Variants in NKAIN2 observed in about 807,000 individuals in gnomAD.
NKAIN2 encodes sodium/potassium-transporting ATPase subunit beta-1-interacting protein 2.
Under a neutral mutation model 32.6 loss-of-function variants are expected in NKAIN2, and 14 were observed. The observed-to-expected ratio is 0.43, with a 90% CI of 0.28 to 0.67. The LOEUF is 0.67. NKAIN2 is among the 30% of genes least tolerant of loss of function. The probability of loss-of-function intolerance (pLI) is 0.17; values close to 1 mark genes in which losing one functional copy is unlikely to be tolerated. For synonymous variants in NKAIN2, 80 were observed against 87.2 expected (o/e 0.92, Z 0.46); for missense variants, 198 against 258.3 (o/e 0.77, Z 1.60).
At chr6:124,284,012 C>G (rs1795434224) in intron 2 of NKAIN2, among the ~76,000 whole-genome samples, 1 of 151,584 alleles carries the variant, frequency 6.6e-6, no homozygotes, top group Non-Finnish European at 1.5e-5. Context: ...TAAAGATGCC[C>G]CCCCATGACC....
intron 1 of NKAIN2, among the ~76,000 whole-genome samples, chr6:123,900,346 G>A (rs1432969891): frequency 6.6e-6 from 1 of 151,730 alleles, no homozygotes; most frequent in African/African-American, 2.4e-5. Flanking sequence ...GGTGGCACGT[G>A]CCTGTAGTCC....
At chr6:124,757,777 A>C (rs1360383195) in intron 4 of NKAIN2, among the ~76,000 whole-genome samples, 2 of 152,176 alleles carry the variant, frequency 1.3e-5, no homozygotes, top group Non-Finnish European at 2.9e-5. Context: ...TTATCTTTGA[A>C]ATATAAAATA....
chr6:124,035,138 T>A (rs1159498008), intron 1 of NKAIN2, among the ~76,000 whole-genome samples: 2 of 152,064 alleles, frequency 1.3e-5, no homozygotes, highest in Non-Finnish European at 2.9e-5. Context: ...AAATTGAGCA[T>A]CCCCTTCAAG....
chr6:124,715,873 A>G (rs182539881), intron 4 of NKAIN2, among the ~76,000 whole-genome samples: 3 of 152,312 alleles, frequency 2.0e-5, no homozygotes, highest in African/African-American at 7.2e-5. Flanking sequence ...GGCTAGAGTT[A>G]AGGAAATGTG....
chr6:124,220,985 A>G (rs1791783549), intron 1 of NKAIN2, among the ~76,000 whole-genome samples: 1 of 152,138 alleles, frequency 6.6e-6, no homozygotes, highest in South Asian at 2.1e-4. Context: ...ATTTTTTTCA[A>G]GAAATTATAA....
intron 5 of NKAIN2, among the ~76,000 whole-genome samples, chr6:124,797,571 ACAAT>A (rs149240598): frequency 0.026 from 3,911 of 152,326 alleles, 86 homozygotes; most frequent in Non-Finnish European, 0.042. Context: ...GATAAAAGTC[ACAAT>A]CAATTTATTG....
intron 1 of NKAIN2, among the ~76,000 whole-genome samples, chr6:124,008,435 A>G (rs529089483): frequency 1.3e-5 from 2 of 152,250 alleles, no homozygotes; most frequent in Admixed American, 6.5e-5. Flanking sequence ...CATGAGTTCC[A>G]TAAGTATGTG....
At chr6:124,397,040 G>A (rs1048396562) in intron 3 of NKAIN2, among the ~76,000 whole-genome samples, 3 of 152,092 alleles carry the variant, frequency 2.0e-5, no homozygotes, top group Non-Finnish European at 4.4e-5. Context: ...TTTATTAACA[G>A]TAGTGGTTGA....
chr6:124,186,992 CTG>C (rs1789778608), intron 1 of NKAIN2, among the ~76,000 whole-genome samples: 1 of 152,008 alleles, frequency 6.6e-6, no homozygotes, highest in Non-Finnish European at 1.5e-5. Context: ...TTTACTTAAA[CTG>C]AACTCTATAT....
chr6:124,644,918 T>C (rs546851377), intron 3 of NKAIN2, among the ~76,000 whole-genome samples: 1 of 152,338 alleles, frequency 6.6e-6, no homozygotes, highest in South Asian at 2.1e-4. Flanking sequence ...ATTTATATTT[T>C]GTAGTTAAAA....
intron 5 of NKAIN2, among the ~76,000 whole-genome samples, chr6:124,801,503 CT>C (rs1780253978): frequency 6.6e-6 from 1 of 152,174 alleles, no homozygotes; most frequent in Non-Finnish European, 1.5e-5. Context: ...TCGAAGTATA[CT>C]TTCCATGTCA....
intron 3 of NKAIN2, among the ~76,000 whole-genome samples, chr6:124,416,159 C>T (rs1260153534): frequency 2.0e-5 from 3 of 152,116 alleles, no homozygotes; most frequent in Non-Finnish European, 4.4e-5. Flanking sequence ...GAAGAGGTGA[C>T]CACCTGTATT....
At chr6:124,619,989 C>T (rs1187069779) in intron 3 of NKAIN2, among the ~76,000 whole-genome samples, 4 of 152,076 alleles carry the variant, frequency 2.6e-5, no homozygotes, top group Admixed American at 1.3e-4. Context: ...TGCCTGGTAC[C>T]TATCAGGTAC....
intron 1 of NKAIN2, among the ~76,000 whole-genome samples, chr6:124,116,259 G>A (rs1251505728): frequency 2.0e-5 from 3 of 152,114 alleles, no homozygotes; most frequent in Admixed American, 2.0e-4. Flanking sequence ...GGTTCCTTCA[G>A]CAGTTTGCTC....
intron 1 of NKAIN2, among the ~76,000 whole-genome samples, chr6:123,956,374 G>T (rs949232512): frequency 6.6e-6 from 1 of 152,092 alleles, no homozygotes; most frequent in Admixed American, 6.5e-5. Context: ...AGGTCATAAG[G>T]GTGGGACCCT....
intron 4 of NKAIN2, among the ~76,000 whole-genome samples, chr6:124,732,393 G>C (rs1776726574): frequency 6.6e-6 from 1 of 152,034 alleles, no homozygotes; most frequent in African/African-American, 2.4e-5. Flanking sequence ...CTAAGGCTAA[G>C]AGGCAAATAA....
intron 2 of NKAIN2, among the ~76,000 whole-genome samples, chr6:124,317,333 T>C (rs1466372222): frequency 1.3e-5 from 2 of 152,118 alleles, no homozygotes; most frequent in Admixed American, 1.3e-4. Flanking sequence ...ATATTGCAAG[T>C]CATTGAATCA....
In NKAIN2 at chr6:124,742,543, C is replaced by A. The variant is rs529313637; in HGVS notation, c.475-48796C>A. Reference sequence around the variant, plus strand: ...CCCTGGTTCTCTGACTTGCAGACAGCCAATGGTGAGAATTCTTGGCCTCTA... The same window carrying A: ...CCCTGGTTCTCTGACTTGCAGACAGACAATGGTGAGAATTCTTGGCCTCTA... On this transcript the variant is annotated intron_variant, in intron 4 of 6. Coordinates refer to ENST00000368417, the MANE Select transcript of NKAIN2 (RefSeq NM_001040214.3). Among the ~76,000 whole-genome samples the A allele has an allele frequency of 5.9e-5, 9 of 151,922 alleles. 1 individual carries two copies. In the South Asian group the frequency reaches 1.9e-3, roughly 32 times the overall value.
chr6:124,502,130 T>C lies in NKAIN2; in HGVS notation c.273+146783T>C, dbSNP rs567582187. ...TAAATAAATACAATACAATATAATATAATGGGAAGATAGGGATAATGCACA... is the reference window on the plus strand; with the variant it reads ...TAAATAAATACAATACAATATAATACAATGGGAAGATAGGGATAATGCACA... On this transcript the variant is annotated intron_variant, in intron 3 of 6. Transcript: ENST00000368417. 1.4e-4 allele frequency among the ~76,000 whole-genome samples: 22 copies of C among 151,862 alleles called. No individual in the cohort carries two copies. The East Asian group carries it at 3.9e-3, about 27-fold the overall frequency.
Sources: allele counts gnomAD v4.1 joint callset (sites outside exome capture counted in the v4.1 genomes callset), GRCh38; gene constraint gnomAD v4.1.1; transcripts MANE v1.5; gene names NCBI Gene and HGNC (gene_info 2026-07-23, HGNC 2026-07-21).